The following OPCML variants were observed in gnomAD, a reference collection of about 807,000 sequenced individuals.
OPCML encodes opioid-binding protein/cell adhesion molecule.
OPCML carries 13 observed loss-of-function variants against 37.8 expected under a neutral mutation model. The observed-to-expected ratio is 0.34, with a 90% confidence interval of 0.22 to 0.55. OPCML has a LOEUF of 0.55. Among genes scored for constraint, OPCML ranks in the 20% least tolerant of loss-of-function variants. The pLI is 0.91. For missense variants in OPCML, 341 were observed against 435.6 expected, an observed-to-expected ratio of 0.78 and a Z score of 1.93; for synonymous variants, 176 against 168.8, an observed-to-expected ratio of 1.04 and a Z score of -0.33.
intron 1 of OPCML, among the ~76,000 whole-genome samples, chr11:133,051,825 G>T (rs1003733476): frequency 2.6e-5 from 4 of 152,130 alleles, no homozygotes; most frequent in Non-Finnish European, 4.4e-5. Context: ...TCTCTCCACC[G>T]CCCAAGCCTG....
chr11:132,560,637 G>A (rs368659239), intron 3 of OPCML, among the ~76,000 whole-genome samples: 112 of 152,286 alleles, frequency 7.4e-4, no homozygotes, highest in African/African-American at 2.4e-3. Flanking sequence ...TAGGAGTAAG[G>A]TGGTATCACA....
intron 3 of OPCML, among the ~76,000 whole-genome samples, chr11:132,615,187 A>G (rs1307441987): frequency 6.6e-6 from 1 of 152,248 alleles, no homozygotes; most frequent in Non-Finnish European, 1.5e-5. Flanking sequence ...TTAAAAGAGT[A>G]AGAGGACTAC....
chr11:133,430,849 C>T (rs1365033194), intron 1 of OPCML, among the ~76,000 whole-genome samples: 1 of 152,152 alleles, frequency 6.6e-6, no homozygotes, highest in East Asian at 1.9e-4. Flanking sequence ...CAGAAGTTGT[C>T]AACCTCTAAA....
rs547289001 is a variant in OPCML, at chr11:132,527,954, C to T, written c.505+1107G>A. 1.1e-4 allele frequency among the ~76,000 whole-genome samples: 17 copies of T among 152,142 alleles called. No individual in the cohort carries two copies. In the South Asian group the frequency reaches 3.5e-3, roughly 32 times the overall value. ...TAATATATTTACAAGTCAAGCAATG[C>T]CAGTGATTACCAGCAAACCATCAGC... On this transcript the variant is annotated intron_variant, in intron 4 of 7. Transcript: ENST00000524381.
At chr11:133,065,054 C>T (rs892037983) in intron 1 of OPCML, 5 of 151,956 alleles carry the variant, frequency 3.3e-5, no homozygotes, top group African/African-American at 1.2e-4. Context: ...GTGGCCTCAC[C>T]CGGAGGAAAG....
intron 1 of OPCML, among the ~76,000 whole-genome samples, chr11:133,285,140 G>A (rs890960670): frequency 6.6e-6 from 1 of 152,180 alleles, no homozygotes; most frequent in East Asian, 1.9e-4. Context: ...AGACACGGAA[G>A]AGTATATGTG....
At chr11:133,323,341 C>T (rs966769124) in intron 1 of OPCML, among the ~76,000 whole-genome samples, 4 of 152,160 alleles carry the variant, frequency 2.6e-5, no homozygotes, top group Admixed American at 6.5e-5. Context: ...ATGTAAAACA[C>T]CCTCACATAG....
At chr11:132,837,789 A>G (rs1344855913) in intron 2 of OPCML, among the ~76,000 whole-genome samples, 2 of 152,102 alleles carry the variant, frequency 1.3e-5, no homozygotes, top group African/African-American at 2.4e-5. Context: ...TGGCGGGGGA[A>G]GGCGGGCATC....
chr11:132,415,179 AAAG>A lies in OPCML; in HGVS notation c.*5011_*5013del, dbSNP rs376441891. 28 of 152,768 alleles carry A rather than the reference AAAG, an allele frequency of 1.8e-4. No homozygotes were observed. In the South Asian group the frequency reaches 5.4e-3, roughly 29 times the overall value. 9.5% of individuals were successfully genotyped at this position (152,768 alleles called of 1,614,324 possible). A position where few individuals can be genotyped will look rare whatever the true frequency, so the allele number is the denominator to read the frequency against. On this transcript the variant is annotated 3_prime_UTR_variant, in exon 8 of 8. Transcript: ENST00000524381. ...AAATACGAAAGAAAATAAAAGAAAA[AAAG>A]AACTCTAGAAGGCTGACAAAGTCAT...
At chr11:133,175,496 A>C (rs1950357694) in intron 1 of OPCML, among the ~76,000 whole-genome samples, 1 of 151,730 alleles carries the variant, frequency 6.6e-6, no homozygotes, top group South Asian at 2.1e-4. Context: ...AAAAAAAAAA[A>C]AACAGAACTA....
chr11:133,414,363 A>G (rs1013295666), intron 1 of OPCML, among the ~76,000 whole-genome samples: 7 of 152,146 alleles, frequency 4.6e-5, no homozygotes, highest in Non-Finnish European at 1.0e-4. Flanking sequence ...AAAAATTCCA[A>G]TACGCTATTC....
At chr11:132,503,578 A>C (rs1406325026) in intron 4 of OPCML, among the ~76,000 whole-genome samples, 1 of 152,216 alleles carries the variant, frequency 6.6e-6, no homozygotes, top group Non-Finnish European at 1.5e-5. Context: ...GAACTCTAAA[A>C]ATTTAAAAAA....
chr11:133,499,645 A>C (rs1261881953), intron 1 of OPCML, among the ~76,000 whole-genome samples: 2 of 151,882 alleles, frequency 1.3e-5, no homozygotes, highest in African/African-American at 4.8e-5. Flanking sequence ...ACAGCCTGGA[A>C]GAAGGGTCAC....
chr11:132,801,249 T>C (rs1169612117), intron 2 of OPCML, among the ~76,000 whole-genome samples: 1 of 152,206 alleles, frequency 6.6e-6, no homozygotes, highest in Non-Finnish European at 1.5e-5. Context: ...CTTCTTTCAT[T>C]TCTGATTTTG....
intron 1 of OPCML, among the ~76,000 whole-genome samples, chr11:133,049,579 G>A (rs772378450): frequency 1.3e-4 from 20 of 152,204 alleles, no homozygotes; most frequent in South Asian, 2.1e-4. Flanking sequence ...GAAGTTGATC[G>A]CAGATGAGGA....
rs564582800 is a variant in OPCML at position 132,764,178 on chromosome 11, C to T, written c.147-106859G>A. ...TCAAAGAAATGCCTATTACCAGCTC[C>T]GCTGTGGTCATAAGCTTTGAAATAA... On this transcript the variant is annotated intron_variant, in intron 2 of 7. Coordinates refer to ENST00000524381, the MANE Select transcript of OPCML (RefSeq NM_001012393.5). Among the ~76,000 whole-genome samples, 29 of 152,314 alleles carry T rather than the reference C, an allele frequency of 1.9e-4. No homozygotes were observed. In the East Asian group the frequency reaches 2.9e-3, roughly 15 times the overall value.
intron 2 of OPCML, among the ~76,000 whole-genome samples, chr11:132,886,224 T>A (rs2136444836): frequency 6.6e-6 from 1 of 152,372 alleles, no homozygotes; most frequent in South Asian, 2.1e-4. Flanking sequence ...TTATTTTTTA[T>A]TATAAACATT....
chr11:133,058,746 T>A (rs1028924058), intron 1 of OPCML, among the ~76,000 whole-genome samples: 11 of 152,194 alleles, frequency 7.2e-5, no homozygotes, highest in African/African-American at 1.4e-4. Context: ...TCATTTACAC[T>A]TTTTGCCCAG....
Position 132,863,619 on chromosome 11 carries a change from C to A in OPCML, c.146+79307G>T, listed in dbSNP as rs560728366. Among the ~76,000 whole-genome samples, 15 of 152,324 alleles carry A rather than the reference C, an allele frequency of 9.8e-5. No homozygotes were observed. The South Asian group carries it at 3.1e-3, about 32-fold the overall frequency. ...CAGAACACGTTTTCTCCAAAGTCGG[C>A]CATCCAACCTAAAACTATGACTCTA... On this transcript the variant is annotated intron_variant, in intron 2 of 7. Transcript: ENST00000524381.
Sources: gnomAD v4.1 joint callset for allele counts (sites outside exome capture counted in the v4.1 genomes callset) on GRCh38, gnomAD v4.1.1 for gene constraint, MANE v1.5 for transcripts, NCBI Gene and HGNC (gene_info 2026-07-23, HGNC 2026-07-21) for gene names.